Variants in SERPINB6 observed in about 807,000 individuals in gnomAD.
SERPINB6 encodes the protein serpin family B member 6.
In SERPINB6, 16 loss-of-function variants were observed where a neutral mutation model predicts 26.1. The ratio of observed to expected loss-of-function variants is 0.61; its 90% confidence interval spans 0.42 to 0.93. The LOEUF (loss-of-function observed/expected upper bound fraction) is 0.93, where lower values mean the gene tolerates loss of function less well. Ranked by LOEUF, SERPINB6 falls within the 40% of genes least tolerant of loss-of-function variation. The pLI is 0.00. For missense variants in SERPINB6, 420 were observed against 478.0 expected (o/e 0.88, Z 1.13); for synonymous variants, 174 against 176.6 (o/e 0.99, Z 0.11).
At position 2,948,380 on chromosome 6, in the gene SERPINB6, C is replaced by T. The variant is rs777623703; in HGVS notation, c.1049G>A (p.Cys350Tyr). Reference protein sequence around the residue: ...MRCARFVPRFCADHPFLFFIQ... With the variant: ...MRCARFVPRFYADHPFLFFIQ... Reference sequence around the variant, plus strand: ...GAAGAAAAGGAAGGGGTGGTCGGCGCAGAAGCGGGGGACGAATCTGGCACA... The same window carrying T: ...GAAGAAAAGGAAGGGGTGGTCGGCGTAGAAGCGGGGGACGAATCTGGCACA... The change falls in exon 7 of 7, where the codon TGC becomes TAC. Residue 350 changes from cysteine (C) to tyrosine (Y), a missense_variant. Transcript: ENST00000380539. The surrounding 1 kb of genome is among the most constrained non-coding windows in gnomAD (Gnocchi z 5.0). The T allele has an allele frequency of 3.1e-6, 5 of 1,614,030 alleles. No homozygotes were observed. The Admixed American group carries it at 8.3e-5, about 27-fold the overall frequency.
rs1226958012 is a variant in SERPINB6, at chr6:2,952,932, C to T, written c.573+112G>A. On this transcript the variant is annotated intron_variant, in intron 5 of 6. Transcript: ENST00000380539. ...GGACACGAGGCCACCCAATGGATGT[C>T]AAGCAGGAGGGGCAGGGACAGAAAG... is the stretch of plus-strand genomic sequence containing the variant. 5 of 1,502,338 alleles carry T rather than the reference C, an allele frequency of 3.3e-6. No homozygotes were observed. In the African/African-American group the frequency reaches 5.5e-5, roughly 16 times the overall value. 93.1% of individuals were successfully genotyped at this position (1,502,338 alleles called of 1,614,324 possible).
In SERPINB6 at chr6:2,970,866, C is replaced by T. The variant is rs1035425783; in HGVS notation, c.-11+667G>A. On this transcript the variant is annotated intron_variant, in intron 1 of 6. Transcript: ENST00000380539. ...TCAAACACAGAGCGGTAAGGAGATC[C>T]GGGCTGGTCCACACGATCGTCTCCA... 7.3e-6 allele frequency: 9 copies of T among 1,231,058 alleles called. No individual in the cohort carries two copies. The Admixed American group carries it at 1.3e-4, about 17-fold the overall frequency. 76.3% of individuals were successfully genotyped at this position (1,231,058 alleles called of 1,614,324 possible).
At position 2,954,901 on chromosome 6, in the gene SERPINB6, A is replaced by C. The variant is rs534911409; in HGVS notation, c.313-192T>G. ...TATATTTAATCCTAGCTTAAAAACT[A>C]AGTCAAGGTCAGGTACTGTGGCTTA... is the stretch of plus-strand genomic sequence containing the variant. On this transcript the variant is annotated intron_variant, in intron 3 of 6. Coordinates refer to ENST00000380539, the MANE Select transcript of SERPINB6 (RefSeq NM_004568.6). The C allele has an allele frequency of 9.7e-5, 57 of 586,870 alleles. No individual in the cohort carries two copies. The South Asian group carries it at 1.1e-3, about 11-fold the overall frequency. 36.4% of individuals were successfully genotyped at this position (586,870 alleles called of 1,614,324 possible).
intron 1 of SERPINB6, among the ~76,000 whole-genome samples, chr6:2,965,597 A>T (rs1771551315): frequency 6.6e-6 from 1 of 152,232 alleles, no homozygotes; most frequent in Non-Finnish European, 1.5e-5. Context: ...ATAAATCAAG[A>T]CATATAAATC....
chr6:2,949,000 A>G lies in SERPINB6; in HGVS notation c.643T>C (p.Phe215Leu). The change falls in exon 6 of 7, where the codon TTT (phenylalanine) becomes CTT (leucine). Residue 215 changes from phenylalanine (F) to leucine (L), a missense_variant. Physicochemically the swap from Phe to Leu is conservative, Grantham distance 22. Coordinates refer to ENST00000380539, the MANE Select transcript of SERPINB6 (RefSeq NM_004568.6). The surrounding 1 kb of genome is among the most constrained non-coding windows in gnomAD (Gnocchi z 5.0). ...TATGGAAGCACCAAGATTTGGGTAA[A>G]TATTTCTCCTATATAGGTCTTCTTA... ...TFKKTYIGEI[F>L]TQILVLPYVG... The G allele has an allele frequency of 1.2e-6, 2 of 1,614,228 alleles. No homozygotes were observed. The highest frequency in any genetic ancestry group is 2.7e-5 in the African/African-American group (2 of 75,066).
chr6:2,950,457 C>T (rs1344844882), intron 5 of SERPINB6, among the ~76,000 whole-genome samples: 10 of 150,572 alleles, frequency 6.6e-5, no homozygotes, highest in Non-Finnish European at 1.5e-4. Context: ...CACTTGAACC[C>T]GGGAGGCAGA....
rs1206103597 is a variant in SERPINB6, at chr6:2,967,172, G to A, written c.-11+4361C>T. 1.4e-5 allele frequency: 14 copies of A among 985,340 alleles called. No homozygotes were observed. Among genetic ancestry groups the A allele is most frequent in the Admixed American group, 6.1e-5 (1 of 16,278 alleles). 61.0% of individuals were successfully genotyped at this position (985,340 alleles called of 1,614,324 possible). ...AGAGCTCCAGCCACCCAGACTCCTC[G>A]AGTTGGAGGGATCTGTTAACCTGCC... On this transcript the variant is annotated intron_variant, in intron 1 of 6. Coordinates refer to ENST00000380539, the MANE Select transcript of SERPINB6 (RefSeq NM_004568.6). This position sits in a 1 kb window ranked among gnomAD's most constrained non-coding sequence, Gnocchi z 4.3.
chr6:2,954,020 A>G (rs902891265), intron 4 of SERPINB6, among the ~76,000 whole-genome samples: 18 of 152,068 alleles, frequency 1.2e-4, no homozygotes, highest in Admixed American at 1.2e-3. Flanking sequence ...ATAAGAGCAA[A>G]ACTCCATCTC....
At chr6:2,961,808 G>A (rs1397829099) in intron 1 of SERPINB6, 1 of 984,498 alleles carries the variant, frequency 1.0e-6, no homozygotes, top group Non-Finnish European at 1.2e-6. Context: ...CTGGCCAGGG[G>A]AAGGTCCCAC....
chr6:2,959,129 T>C (rs1475431110), intron 2 of SERPINB6, 39 bp downstream of exon 2: 5 of 1,613,264 alleles, frequency 3.1e-6, no homozygotes, highest in Non-Finnish European at 4.2e-6. Flanking sequence ...ACCAGCTAAC[T>C]TGACAGTTAA....
intron 2 of SERPINB6, 27 bp from the exon 3 acceptor site, chr6:2,955,697 A>C (rs2113206215): frequency 1.2e-6 from 2 of 1,613,478 alleles, no homozygotes; most frequent in Non-Finnish European, 1.7e-6. Flanking sequence ...AATGAAAACA[A>C]ATCATTCCTG....
At chr6:2,949,361 C>T (rs1019339182) in intron 5 of SERPINB6, among the ~76,000 whole-genome samples, 6 of 152,246 alleles carry the variant, frequency 3.9e-5, no homozygotes, top group Admixed American at 3.9e-4. Flanking sequence ...CTGCCCTGTC[C>T]TTGGGCCTCC....
At chr6:2,971,322 G>C (rs1443588524) in intron 1 of SERPINB6, 7 of 363,078 alleles carry the variant, frequency 1.9e-5, no homozygotes, top group South Asian at 1.1e-4. Flanking sequence ...CCGGGCCCCC[G>C]CCCCGCTGGG....
chr6:2,959,561 GT>G (rs1561683552), intron 1 of SERPINB6: 2 of 571,746 alleles, frequency 3.5e-6, no homozygotes, highest in Admixed American at 5.6e-5. Flanking sequence ...ACGCCGCCCT[GT>G]TTTGTGAGGA....
At chr6:2,969,279 C>T (rs1360775532) in intron 1 of SERPINB6, 1 of 985,366 alleles carries the variant, frequency 1.0e-6, no homozygotes, top group African/African-American at 1.7e-5. Flanking sequence ...AAACTCAAGA[C>T]CTGTCAATGG....
chr6:2,948,609 A>G lies in SERPINB6; in HGVS notation c.820T>C (p.Phe274Leu). Residue 274 changes from phenylalanine (F) to leucine (L), a missense_variant, in exon 7 of 7, where the codon TTT (phenylalanine) becomes CTT (leucine). By Grantham distance (22) the Phe-to-Leu change is conservative (BLOSUM62 0). Coordinates refer to ENST00000380539, the MANE Select transcript of SERPINB6 (RefSeq NM_004568.6). The surrounding 1 kb of genome is among the most constrained non-coding windows in gnomAD (Gnocchi z 5.0). The part of the protein sequence containing the change: ...EEEVEVSLPR[F>L]KLEESYDMES... Reference sequence around the variant, plus strand: ...ATGTCGTAGCTTTCCTCTAGTTTAAACCGCGGGAGGGACACTTCCACCTCC... The same window carrying G: ...ATGTCGTAGCTTTCCTCTAGTTTAAGCCGCGGGAGGGACACTTCCACCTCC... The G allele has an allele frequency of 6.2e-7, 1 of 1,613,868 alleles. No individual in the cohort carries two copies. Among genetic ancestry groups the G allele is most frequent in the Non-Finnish European group, 8.5e-7 (1 of 1,179,912 alleles).
At chr6:2,962,883 CACCAGCACAGCT>C (rs1427786545) in intron 1 of SERPINB6, among the ~76,000 whole-genome samples, 2 of 152,198 alleles carry the variant, frequency 1.3e-5, no homozygotes, top group African/African-American at 4.8e-5. Flanking sequence ...CTTCAGCAGC[CACCAGCACAGCT>C]GATGATAGAA....
At chr6:2,961,885 G>GGA (rs1771153633) in intron 1 of SERPINB6, 1 of 985,006 alleles carries the variant, frequency 1.0e-6, no homozygotes, top group African/African-American at 1.8e-5. Flanking sequence ...AATGCTGAAG[G>GGA]ACTCTTACGC....
At chr6:2,956,979 G>A (rs4959749) in intron 2 of SERPINB6, 45,290 of 152,090 alleles carry the variant, frequency 0.3, 7,402 homozygotes, top group East Asian at 0.5. Context: ...ATCAATCATT[G>A]TTATTTCCAG....
Sources: allele counts gnomAD v4.1 joint callset (sites outside exome capture counted in the v4.1 genomes callset), GRCh38; gene constraint gnomAD v4.1.1; non-coding constraint Gnocchi (gnomAD v3.1); transcripts MANE v1.5; gene names NCBI Gene and HGNC (gene_info 2026-07-23, HGNC 2026-07-21).